C3orf52: variants seen among roughly 807,000 people sequenced by gnomAD.
C3orf52 encodes the protein chromosome 3 open reading frame 52, also known as TPA-induced transmembrane protein.
Under a neutral mutation model 24.8 loss-of-function variants are expected in C3orf52, and 22 were observed. That is an observed-to-expected ratio of 0.89 (90% CI 0.63 to 1.27). The LOEUF is 1.27. Ranked by LOEUF, C3orf52 falls within the 50% of genes most tolerant of loss-of-function variation. The probability of loss-of-function intolerance (pLI) is 0.00; values close to 1 mark genes in which losing one functional copy is unlikely to be tolerated. For synonymous variants in C3orf52, 93 were observed against 100.2 expected (o/e 0.93, Z 0.43); for missense variants, 265 against 260.7 (o/e 1.02, Z -0.11).
chr3:112,109,412 G>A (rs926327524), intron 3 of C3orf52, 131 bp from the exon 4 acceptor site: 42 of 506,284 alleles, frequency 8.3e-5, no homozygotes, highest in Admixed American at 7.0e-4. Context: ...TTGATCCAGA[G>A]CTTCCAGATA....
downstream of C3orf52, among the ~76,000 whole-genome samples, chr3:112,120,098 T>G (rs2074173624): frequency 6.6e-6 from 1 of 152,150 alleles, no homozygotes; most frequent in South Asian, 2.1e-4. Context: ...GATGATGACC[T>G]CTCAAGGCTT....
At chr3:112,130,449 ATGTTCTC>A, downstream of C3orf52, 1 of 1,613,742 alleles carries the variant, frequency 6.2e-7, no homozygotes, top group Non-Finnish European at 8.5e-7. Context: ...TCTCACCTGG[ATGTTCTC>A]TGTTTGGGGC....
In C3orf52 at chr3:112,109,329, C is replaced by A. The variant is rs1283689624; in HGVS notation, c.397-214C>A. On this transcript the variant is annotated intron_variant, in intron 3 of 5. Transcript: ENST00000264848. Reference sequence around the variant, plus strand: ...GTGCAACTTCTGAGAGAAACTGAGTCATTTGGTCCTTATAAATGGAGTTCT... The same window carrying A: ...GTGCAACTTCTGAGAGAAACTGAGTAATTTGGTCCTTATAAATGGAGTTCT... 2.6e-5 allele frequency among the ~76,000 whole-genome samples: 4 copies of A among 152,292 alleles called. No individual in the cohort carries two copies. In the East Asian group the frequency reaches 7.7e-4, roughly 29 times the overall value.
At chr3:112,099,077 C>T (rs1383083433) in intron 2 of C3orf52, among the ~76,000 whole-genome samples, 1 of 152,126 alleles carries the variant, frequency 6.6e-6, no homozygotes, top group Non-Finnish European at 1.5e-5. Context: ...TTGTTGTTTG[C>T]TCTTTCTCTC....
rs542020332 is a variant in C3orf52, at chr3:112,110,098, G to A, written c.467+485G>A. 2.2e-4 allele frequency among the ~76,000 whole-genome samples: 34 copies of A among 152,336 alleles called. No homozygotes were observed. In the South Asian group the frequency reaches 6.6e-3, roughly 30 times the overall value. ...TAATCCCAGCACTTTGCGAGGCCAA[G>A]GCGGGCAGATCACTTGAGGTCAGGA... On this transcript the variant is annotated intron_variant, in intron 4 of 5. Transcript: ENST00000264848.
rs368080393 is a variant in C3orf52, at chr3:112,096,333, A to G, written c.268+2844A>G. On this transcript the variant is annotated intron_variant, in intron 2 of 5. Transcript: ENST00000264848. Reference sequence around the variant, plus strand: ...GGGCAGCAGTGAGAGGAGATGGTGCATTCCTGCACCATTACCCCAAAGGCC... The same window carrying G: ...GGGCAGCAGTGAGAGGAGATGGTGCGTTCCTGCACCATTACCCCAAAGGCC... Among the ~76,000 whole-genome samples the G allele has an allele frequency of 9.2e-5, 14 of 152,352 alleles. No homozygotes were observed. In the South Asian group the frequency reaches 2.5e-3, roughly 27 times the overall value.
At chr3:112,128,308 C>G (rs1471418547) in exon 5 of C3orf52, 1 of 653,516 alleles carries the variant, frequency 1.5e-6, no homozygotes, top group Non-Finnish European at 2.8e-6. Flanking sequence ...AAAAATGTTT[C>G]CTCACTCTCA....
intron 4 of C3orf52, chr3:112,127,978 A>G (rs2074367214): frequency 6.3e-7 from 1 of 1,583,360 alleles, no homozygotes. Flanking sequence ...TTGAAACCAC[A>G]CTTAGGGAAA....
At chr3:112,128,013 T>A in intron 4 of C3orf52, 10 of 1,612,942 alleles carry the variant, frequency 6.2e-6, no homozygotes, top group Non-Finnish European at 8.5e-6. Context: ...AACTGTCCAC[T>A]CACCATGGAA....
intron 4 of C3orf52, among the ~76,000 whole-genome samples, chr3:112,110,186 C>G (rs896168067): frequency 2.0e-5 from 3 of 152,088 alleles, no homozygotes; most frequent in South Asian, 4.2e-4. Context: ...AAAAATTAGC[C>G]AGGTGTGTTG....
chr3:112,122,875 A>G (rs2107797212), downstream of C3orf52: 1 of 152,596 alleles, frequency 6.6e-6, no homozygotes, highest in South Asian at 2.1e-4. Context: ...AAATTATGTA[A>G]ACATCTGGCC....
intron 2 of C3orf52, among the ~76,000 whole-genome samples, chr3:112,094,502 C>T (rs1160004008): frequency 2.0e-5 from 3 of 152,022 alleles, no homozygotes; most frequent in Non-Finnish European, 4.4e-5. Context: ...ATATTTTCTT[C>T]TAGTCTTTTG....
downstream of C3orf52, chr3:112,119,633 C>A: frequency 6.4e-6 from 4 of 628,466 alleles, no homozygotes; most frequent in South Asian, 3.7e-5. Context: ...AGAGTCTGAT[C>A]AATGCTAAGA....
chr3:112,093,532 T>G (rs768785154), intron 2 of C3orf52, 43 bp downstream of exon 2: 23 of 1,574,976 alleles, frequency 1.5e-5, no homozygotes, highest in Non-Finnish European at 2.0e-5. Flanking sequence ...TTTTAAGAAC[T>G]TACTTAAGGC....
downstream of C3orf52, chr3:112,122,530 G>A (rs1303847958): frequency 1.3e-5 from 2 of 152,074 alleles, no homozygotes; most frequent in African/African-American, 4.8e-5. Flanking sequence ...AGGTATATAT[G>A]TGTTAATTTC....
intron 2 of C3orf52, among the ~76,000 whole-genome samples, chr3:112,094,714 A>G (rs2073910944): frequency 6.6e-6 from 1 of 152,226 alleles, no homozygotes; most frequent in South Asian, 2.1e-4. Context: ...TTTAATGATT[A>G]TTAGTATTCG....
chr3:112,102,791 A>C, intron 2 of C3orf52, 47 bp from the exon 3 acceptor site: 2 of 1,486,646 alleles, frequency 1.3e-6, no homozygotes, highest in South Asian at 2.6e-5. Flanking sequence ...TATTATATGC[A>C]GGTGTTTACT....
chr3:112,126,731 C>A (rs966703396), intron 4 of C3orf52, among the ~76,000 whole-genome samples: 1 of 152,166 alleles, frequency 6.6e-6, no homozygotes, highest in Non-Finnish European at 1.5e-5. Flanking sequence ...CCTTTTGTAT[C>A]CTTGCCCCCA....
At chr3:112,100,624 C>T (rs2073964209) in intron 2 of C3orf52, among the ~76,000 whole-genome samples, 1 of 152,176 alleles carries the variant, frequency 6.6e-6, no homozygotes, top group South Asian at 2.1e-4. Context: ...TATCTATCCT[C>T]TTGGCATCCC....
Sources: allele counts gnomAD v4.1 joint callset (sites outside exome capture counted in the v4.1 genomes callset), GRCh38; gene constraint gnomAD v4.1.1; transcripts MANE v1.5; gene names NCBI Gene and HGNC (gene_info 2026-07-23, HGNC 2026-07-21).